Variants in KAZN observed in about 807,000 individuals in gnomAD.
KAZN encodes the protein kazrin.
Under a neutral mutation model 87.4 loss-of-function variants are expected in KAZN, and 40 were observed. The observed-to-expected ratio is 0.46, with a 90% CI of 0.36 to 0.60. The LOEUF is 0.60. Ranked by LOEUF, KAZN falls within the 20% of genes least tolerant of loss-of-function variation. KAZN has a pLI of 0.00. For missense variants in KAZN, 898 were observed against 1,073.9 expected (o/e 0.84, Z 2.29); for synonymous variants, 466 against 458.3 (o/e 1.02, Z -0.22).
At chr1:13,929,057 T>C (rs2100927931) in intron 1 of KAZN, among the ~76,000 whole-genome samples, 1 of 149,846 alleles carries the variant, frequency 6.7e-6, no homozygotes, top group East Asian at 2.0e-4. Context: ...CTTTTTTTTT[T>C]TTTTTTTTTT....
chr1:14,291,579 A>G (rs1224351481), intron 2 of KAZN, among the ~76,000 whole-genome samples: 1 of 152,098 alleles, frequency 6.6e-6, no homozygotes, highest in African/African-American at 2.4e-5. Flanking sequence ...AATTTTCTAG[A>G]TACAGTCTGT....
At chr1:14,371,484 A>G (rs988374166) in intron 2 of KAZN, among the ~76,000 whole-genome samples, 10 of 152,180 alleles carry the variant, frequency 6.6e-5, no homozygotes, top group Non-Finnish European at 1.3e-4. Context: ...AACATTTGGC[A>G]GGAGAGTAGC....
chr1:14,346,495 C>T (rs1432877482), intron 2 of KAZN, among the ~76,000 whole-genome samples: 5 of 152,040 alleles, frequency 3.3e-5, no homozygotes, highest in Non-Finnish European at 7.4e-5. Context: ...AGTAGGAGCA[C>T]AAAGAAGGAG....
At chr1:14,656,604 C>T (rs543039907) in intron 1 of KAZN, among the ~76,000 whole-genome samples, 46 of 152,296 alleles carry the variant, frequency 3.0e-4, no homozygotes, top group African/African-American at 1.1e-3. Context: ...ACAGTAAGCA[C>T]GGCTGGGGAA....
chr1:14,597,207 C>T (rs1408757157), upstream of KAZN, among the ~76,000 whole-genome samples: 2 of 152,280 alleles, frequency 1.3e-5, no homozygotes, highest in South Asian at 2.1e-4. Flanking sequence ...GGTCAGGGTT[C>T]GATCCCCGAA....
chr1:14,865,603 G>A (rs1651358057), intron 1 of KAZN, among the ~76,000 whole-genome samples: 1 of 152,094 alleles, frequency 6.6e-6, no homozygotes, highest in Non-Finnish European at 1.5e-5. Context: ...CTCTTTCTGA[G>A]GAATAGCAAT....
rs535493424 is a variant in KAZN at position 14,915,196 on chromosome 1, G to T, written c.227-45488G>T. ...GAGCGAAACTCCGCCTCAAAAGAAA[G>T]AAAAAAAGAAAAGAAAATGAGCTAA... On this transcript the variant is annotated intron_variant, in intron 1 of 14. Coordinates refer to ENST00000376030, the MANE Select transcript of KAZN (RefSeq NM_201628.3). Among the ~76,000 whole-genome samples the T allele has an allele frequency of 9.2e-5, 14 of 151,938 alleles. No individual in the cohort carries two copies. The South Asian group carries it at 2.9e-3, about 32-fold the overall frequency.
intron 1 of KAZN, among the ~76,000 whole-genome samples, chr1:14,606,973 A>G (rs1382033390): frequency 6.6e-6 from 1 of 152,186 alleles, no homozygotes; most frequent in Non-Finnish European, 1.5e-5. Flanking sequence ...TTAGTCTTGG[A>G]ATGACAGCTC....
intron 1 of KAZN, chr1:14,945,979 G>A: frequency 1.1e-6 from 1 of 935,102 alleles, no homozygotes; most frequent in Non-Finnish European, 1.3e-6. Context: ...CGCTTGCTGG[G>A]GCTTTTTATC....
intron 1 of KAZN, among the ~76,000 whole-genome samples, chr1:14,844,569 C>T (rs1648463058): frequency 6.6e-6 from 1 of 152,212 alleles, no homozygotes; most frequent in Admixed American, 6.5e-5. Context: ...CTTTGGGCAC[C>T]AAGCCAAGAT....
intron 2 of KAZN, among the ~76,000 whole-genome samples, chr1:14,419,045 G>C (rs955134674): frequency 1.9e-4 from 29 of 152,050 alleles, no homozygotes; most frequent in African/African-American, 6.8e-4. Flanking sequence ...AAAATACAAG[G>C]ATGCTATATA....
chr1:14,186,638 G>A lies in KAZN; in HGVS notation c.249+6046G>A, dbSNP rs369836981. ...TCACTGGGCCCTCCTCTCTTTGACCGTGGGCAGGTAGGCTTGTTGATGGAT... is the reference window on the plus strand; with the variant it reads ...TCACTGGGCCCTCCTCTCTTTGACCATGGGCAGGTAGGCTTGTTGATGGAT... On this transcript the variant is annotated intron_variant, in intron 2 of 16. Transcript: ENST00000636203. Among the ~76,000 whole-genome samples, 86 of 152,254 alleles carry A rather than the reference G, an allele frequency of 5.6e-4. No individual in the cohort carries two copies. In the South Asian group the frequency reaches 0.012, roughly 21 times the overall value.
intron 8 of KAZN, among the ~76,000 whole-genome samples, chr1:15,087,627 T>TCCACCCACCTCGGTGTC (rs1640324427): frequency 6.6e-6 from 1 of 152,178 alleles, no homozygotes; most frequent in South Asian, 2.1e-4. Flanking sequence ...CCTCAGGTGA[T>TCCACCCACCTCGGTGTC]CCACCCACCT....
chr1:14,375,340 C>G (rs1415673658), intron 2 of KAZN, among the ~76,000 whole-genome samples: 2 of 152,128 alleles, frequency 1.3e-5, no homozygotes, highest in Admixed American at 6.5e-5. Context: ...CTCCATAAGT[C>G]AGTCCAACAC....
intron 2 of KAZN, among the ~76,000 whole-genome samples, chr1:14,201,031 G>A (rs1394524146): frequency 1.3e-5 from 2 of 152,120 alleles, no homozygotes; most frequent in African/African-American, 4.8e-5. Flanking sequence ...CTCTCCTGGT[G>A]CATGGCCTCT....
intron 1 of KAZN, among the ~76,000 whole-genome samples, chr1:14,842,822 A>G (rs1648176715): frequency 1.3e-5 from 2 of 152,244 alleles, no homozygotes. Flanking sequence ...AAGGCTTATA[A>G]TGGAAAATGA....
chr1:14,668,444 C>T (rs969372892), intron 1 of KAZN, among the ~76,000 whole-genome samples: 4 of 152,012 alleles, frequency 2.6e-5, no homozygotes, highest in Non-Finnish European at 2.9e-5. Context: ...CACAAAGAGA[C>T]CTCAGAAGGT....
intron 1 of KAZN, among the ~76,000 whole-genome samples, chr1:14,623,281 T>C (rs901489573): frequency 6.6e-6 from 1 of 152,256 alleles, no homozygotes. Flanking sequence ...TGGAATACTA[T>C]GCAGGCATAA....
intron 1 of KAZN, among the ~76,000 whole-genome samples, chr1:14,090,674 A>C (rs1643955957): frequency 2.0e-5 from 3 of 152,106 alleles, no homozygotes; most frequent in African/African-American, 7.2e-5. Context: ...TTTCAATACC[A>C]TGTGTTTCTA....
Sources: allele counts gnomAD v4.1 joint callset (sites outside exome capture counted in the v4.1 genomes callset), GRCh38; gene constraint gnomAD v4.1.1; transcripts MANE v1.5; gene names NCBI Gene and HGNC (gene_info 2026-07-23, HGNC 2026-07-21).